The following MORN4 variants were observed in gnomAD, a reference collection of about 807,000 sequenced individuals.
MORN4 encodes the protein MORN repeat containing 4.
In MORN4, 8 loss-of-function variants were observed where a neutral mutation model predicts 16.4. The ratio of observed to expected loss-of-function variants is 0.49; its 90% CI spans 0.29 to 0.88. The LOEUF (loss-of-function observed/expected upper bound fraction) is 0.88, where lower values mean the gene tolerates loss of function less well. Among genes scored for constraint, MORN4 ranks in the 40% least tolerant of loss-of-function variants. The pLI is 0.09. For missense variants in MORN4, 159 were observed against 182.9 expected (o/e 0.87, Z 0.75); for synonymous variants, 53 against 68.9 (o/e 0.77, Z 1.14).
chr10:97,626,891 G>A (rs2041353084), intron 1 of MORN4, among the ~76,000 whole-genome samples: 1 of 151,662 alleles, frequency 6.6e-6, no homozygotes, highest in Non-Finnish European at 1.5e-5. Context: ...CCAAGTAGCT[G>A]GGATTACAGG....
rs1350568177 is a variant in MORN4, at chr10:97,622,932, T to G, written c.-30-3249A>C. Among the ~76,000 whole-genome samples, 3 of 151,242 alleles carry G rather than the reference T, an allele frequency of 2.0e-5. No homozygotes were observed. In the Admixed American group the frequency reaches 2.0e-4, roughly 10 times the overall value. On this transcript the variant is annotated intron_variant, in intron 1 of 4. Coordinates refer to ENST00000307450, the MANE Select transcript of MORN4 (RefSeq NM_178832.4). Reference sequence around the variant, plus strand: ...CAGGGTCTTGCTCTGTCACCCAGGCTAGAGCACGGTGGCACGATCATAGCT... The same window carrying G: ...CAGGGTCTTGCTCTGTCACCCAGGCGAGAGCACGGTGGCACGATCATAGCT...
rs558981958 is a variant in MORN4, at chr10:97,628,954, A to G, written c.-31+4393T>C. On this transcript the variant is annotated intron_variant, in intron 1 of 4. Coordinates refer to ENST00000307450, the MANE Select transcript of MORN4 (RefSeq NM_178832.4). ...AAATGTGGCGGACTGTATTTCCAAG[A>G]TGTTTGCAACAGTATCTTCTGTCTT... 2.6e-5 allele frequency among the ~76,000 whole-genome samples: 4 copies of G among 152,338 alleles called. No homozygotes were observed. In the East Asian group the frequency reaches 7.7e-4, roughly 29 times the overall value.
At chr10:97,624,393 C>A (rs1346023681) in intron 1 of MORN4, among the ~76,000 whole-genome samples, 3 of 152,142 alleles carry the variant, frequency 2.0e-5, no homozygotes, top group Admixed American at 1.3e-4. Flanking sequence ...TGACCTCTTA[C>A]TGTGTTCCAT....
At chr10:97,623,506 A>T (rs901099333) in intron 1 of MORN4, among the ~76,000 whole-genome samples, 1 of 152,190 alleles carries the variant, frequency 6.6e-6, no homozygotes, top group Non-Finnish European at 1.5e-5. Context: ...CATCTGACTG[A>T]GTTCCAACAG....
intron 1 of MORN4, among the ~76,000 whole-genome samples, chr10:97,622,069 G>C (rs1210768647): frequency 2.0e-5 from 3 of 152,152 alleles, no homozygotes; most frequent in African/African-American, 4.8e-5. Context: ...TGGATGGTGA[G>C]ACCCTGTCCC....
At chr10:97,630,115 G>T (rs1396705830) in intron 1 of MORN4, among the ~76,000 whole-genome samples, 1 of 152,078 alleles carries the variant, frequency 6.6e-6, no homozygotes, top group Admixed American at 6.6e-5. Flanking sequence ...TTTTAGTGGA[G>T]ACGGGGTTTC....
At chr10:97,632,212 CTTTT>C (rs1162979185) in intron 1 of MORN4, among the ~76,000 whole-genome samples, 10 of 86,976 alleles carry the variant, frequency 1.1e-4, no homozygotes, top group African/African-American at 4.0e-4. Context: ...TAATACTCCC[CTTTT>C]TTTTTTTTTT....
chr10:97,616,848 C>G, intron 3 of MORN4, 61 bp from the exon 4 acceptor site: 1 of 1,150,002 alleles, frequency 8.7e-7, no homozygotes, highest in Non-Finnish European at 1.3e-6. Context: ...TGAACGGAGT[C>G]GAGCAGCTGC....
At chr10:97,620,019 A>G (rs2041274319) in intron 1 of MORN4, among the ~76,000 whole-genome samples, 1 of 152,144 alleles carries the variant, frequency 6.6e-6, no homozygotes, top group East Asian at 1.9e-4. Context: ...TCTTCCCTTG[A>G]CGAGTTTATA....
intron 1 of MORN4, among the ~76,000 whole-genome samples, chr10:97,624,505 AACT>A (rs2041331355): frequency 6.6e-6 from 1 of 152,140 alleles, no homozygotes; most frequent in Non-Finnish European, 1.5e-5. Context: ...TGCAGTCTCA[AACT>A]TCTGGGCTAA....
At chr10:97,624,037 C>T (rs1173497132) in intron 1 of MORN4, among the ~76,000 whole-genome samples, 1 of 151,766 alleles carries the variant, frequency 6.6e-6, no homozygotes, top group Non-Finnish European at 1.5e-5. Flanking sequence ...TGCCTGGCCG[C>T]AAGATGGGAT....
chr10:97,620,322 T>C (rs978104607), intron 1 of MORN4, among the ~76,000 whole-genome samples: 1 of 150,796 alleles, frequency 6.6e-6, no homozygotes, highest in African/African-American at 2.4e-5. Flanking sequence ...ACCCCGTCTC[T>C]ACTAAAAATA....
At chr10:97,619,444 G>T (rs1325847923) in intron 2 of MORN4, 143 bp downstream of exon 2, 2 of 696,582 alleles carry the variant, frequency 2.9e-6, no homozygotes, top group African/African-American at 3.5e-5. Context: ...TCCTAAAATG[G>T]AATAAAGGAA....
At chr10:97,618,787 G>GTTT (rs374979684) in intron 2 of MORN4, among the ~76,000 whole-genome samples, 9 of 133,526 alleles carry the variant, frequency 6.7e-5, no homozygotes, top group Non-Finnish European at 1.1e-4. Context: ...GATACTGGTT[G>GTTT]TTTTTTTTTT....
intron 2 of MORN4, chr10:97,619,337 A>G: frequency 1.7e-6 from 1 of 580,310 alleles, no homozygotes; most frequent in South Asian, 2.3e-5. Flanking sequence ...TCAAAAAACA[A>G]AACAAAACAA....
At chr10:97,616,644 C>T (rs113533248) in intron 4 of MORN4, 34 bp downstream of exon 4, 13 of 1,538,782 alleles carry the variant, frequency 8.4e-6, no homozygotes, top group African/African-American at 4.1e-5. Context: ...ATTATGCCCA[C>T]CTAAGTCAGC....
At chr10:97,617,120 C>G (rs2041242627) in intron 3 of MORN4, 88 bp downstream of exon 3, 1 of 999,630 alleles carries the variant, frequency 1.0e-6, no homozygotes, top group Admixed American at 1.7e-5. Flanking sequence ...GAGACAAGGT[C>G]AGGATTGACC....
chr10:97,618,258 CTTTTTTT>C (rs1192502394), intron 2 of MORN4, among the ~76,000 whole-genome samples: 13 of 92,828 alleles, frequency 1.4e-4, no homozygotes, highest in Non-Finnish European at 2.2e-4. Context: ...AGCCTCTCTT[CTTTTTTT>C]TTTTTTTTTT....
At chr10:97,620,838 A>G (rs1328596691) in intron 1 of MORN4, among the ~76,000 whole-genome samples, 1 of 152,002 alleles carries the variant, frequency 6.6e-6, no homozygotes, top group African/African-American at 2.4e-5. Flanking sequence ...AAAACAAAAA[A>G]TAGGCCGGGC....
Sources: gnomAD v4.1 joint callset for allele counts (sites outside exome capture counted in the v4.1 genomes callset) on GRCh38, gnomAD v4.1.1 for gene constraint, MANE v1.5 for transcripts, NCBI Gene and HGNC (gene_info 2026-07-23, HGNC 2026-07-21) for gene names.